HOXA1: variants seen among roughly 807,000 people sequenced by gnomAD.
HOXA1 encodes the protein homeobox A1.
HOXA1 carries 21 observed loss-of-function variants against 28.3 expected under a neutral mutation model. The observed-to-expected ratio is 0.74, with a 90% CI of 0.53 to 1.07. The LOEUF (loss-of-function observed/expected upper bound fraction) is 1.07, where lower values mean the gene tolerates loss of function less well. Ranked by LOEUF, HOXA1 falls within the 50% of genes least tolerant of loss-of-function variation. HOXA1 has a pLI of 0.00. For synonymous variants in HOXA1, 208 were observed against 181.2 expected (o/e 1.15, Z -1.19); for missense variants, 446 against 434.3 (o/e 1.03, Z -0.24).
rs17465309 is a variant in HOXA1, at chr7:27,095,169, A to C, written c.652+92T>G. The C allele has an allele frequency of 3.3e-4, 453 of 1,379,320 alleles. 5 individuals are homozygous for C. The South Asian group carries it at 5.2e-3, about 16-fold the overall frequency. 85.4% of individuals were successfully genotyped at this position (1,379,320 alleles called of 1,614,324 possible). ...CACTAGTCTGATACAAAAGCCTTTT[A>C]AAAAAAAGATCATTATTAATTTCCT... On this transcript the variant is annotated intron_variant, in intron 1 of 1. Coordinates refer to ENST00000643460, the MANE Select transcript of HOXA1 (RefSeq NM_005522.5).
chr7:27,095,997 T>A lies in HOXA1; in HGVS notation c.-85A>T. 1 of 853,134 alleles carries A rather than the reference T, an allele frequency of 1.2e-6. No homozygotes were observed. Among genetic ancestry groups the A allele is most frequent in the Non-Finnish European group, 1.9e-6 (1 of 537,218 alleles). The allele number at this position is 853,134 out of a possible 1,614,324, so 52.8% of individuals were successfully genotyped here. On this transcript the variant is annotated 5_prime_UTR_variant, in exon 1 of 2. Transcript: ENST00000643460. ...CCTCCATGGGGCCGGAGAAGAAAAA[T>A]GATATGAATGTACAGTGCGCAAGAG...
At position 27,095,840 on chromosome 7, in the gene HOXA1, C is replaced by CT. The variant is rs1295214733; in HGVS notation, c.72dup (p.Ala25SerfsTer9). On this transcript the variant is annotated frameshift_variant, in exon 1 of 2. Transcript: ENST00000643460. LOFTEE classifies it high-confidence loss of function. ...CTATGGTCCGAGGGGTAGGCTCGGG[C>CT]TGAGCAGGTCCCCGAGTCGCCACTG... 1.9e-6 allele frequency: 3 copies of CT among 1,613,930 alleles called. No homozygotes were observed. The highest frequency in any genetic ancestry group is 1.7e-6 in the Non-Finnish European group (2 of 1,179,970).
chr7:27,094,769 C>G lies in HOXA1; in HGVS notation c.679G>C (p.Gly227Arg), dbSNP rs370033913. The G allele has an allele frequency of 3.7e-6, 6 of 1,613,876 alleles. No individual in the cohort carries two copies. The African/African-American group carries it at 6.7e-5, about 18-fold the overall frequency. Residue 227 changes from glycine to arginine, a missense_variant, in exon 2 of 2, where the codon GGT becomes CGT. Transcript: ENST00000643460. ...TTGGTGCGCACCGCGTTGGGTTGAC[C>G]CAGGTAGCCGTACTCTCCAACTTTC... ...TGKVGEYGYLGQPNAVRTNFT... is the reference protein window; with the variant it reads ...TGKVGEYGYLRQPNAVRTNFT...
At position 27,094,455 on chromosome 7, in the gene HOXA1, CAG is replaced by C. The variant is rs752028396; in HGVS notation, c.991_992del (p.Leu331AspfsTer85). ...TGGAGCCGCCTCAGTGGGAGGTAGT[CAG>C]AGTGTCTGAGGTAGAAGACCCCGGG... ...PSPGSSTSDT[L>X]TTSH On this transcript the variant is annotated frameshift_variant, in exon 2 of 2. Transcript: ENST00000643460. LOFTEE classifies it high-confidence loss of function. 6.2e-7 allele frequency: 1 copy of C among 1,613,534 alleles called. No individual in the cohort carries two copies. Among genetic ancestry groups the C allele is most frequent in the South Asian group, 1.1e-5 (1 of 91,052 alleles).
In HOXA1 at chr7:27,095,844, G is replaced by A. The variant is rs1783813996; in HGVS notation, c.69C>T (p.Cys23=). ...GGTCCGAGGGGTAGGCTCGGGCTGA[G>A]CAGGTCCCCGAGTCGCCACTGCTAA... ...PILSSGDSGT[C]SARAYPSDHR... The change falls in exon 1 of 2, where the codon TGC becomes TGT. Residue 23 remains cysteine (C), a synonymous_variant. Transcript: ENST00000643460. 1 of 1,613,758 alleles carries A rather than the reference G, an allele frequency of 6.2e-7. No individual in the cohort carries two copies. Among genetic ancestry groups the A allele is most frequent in the South Asian group, 1.1e-5 (1 of 91,094 alleles).
chr7:27,094,361 G>C lies in HOXA1; in HGVS notation c.*79C>G. ...GAAAGAGACTGTAAATGGAAAGAAAGATAAGCTAAGCATGTGCTTTGGGTA... is the reference window on the plus strand; with the variant it reads ...GAAAGAGACTGTAAATGGAAAGAAACATAAGCTAAGCATGTGCTTTGGGTA... On this transcript the variant is annotated 3_prime_UTR_variant, in exon 2 of 2. Transcript: ENST00000643460. The C allele has an allele frequency of 2.1e-6, 2 of 967,050 alleles. No individual in the cohort carries two copies. Among genetic ancestry groups the C allele is most frequent in the Non-Finnish European group, 3.4e-6 (2 of 593,590 alleles). The allele number at this position is 967,050 out of a possible 1,614,324, so 59.9% of individuals were successfully genotyped here. A position where few individuals can be genotyped will look rare whatever the true frequency, so the allele number is the denominator to read the frequency against.
At position 27,095,938 on chromosome 7, in the gene HOXA1, G is replaced by T. The variant is rs764712990; in HGVS notation, c.-26C>A. 6.3e-7 allele frequency: 1 copy of T among 1,584,856 alleles called. No individual in the cohort carries two copies. The highest frequency in any genetic ancestry group is 8.6e-7 in the Non-Finnish European group (1 of 1,162,616). On this transcript the variant is annotated 5_prime_UTR_variant, in exon 1 of 2. The change creates a premature stop within an existing upstream ORF in the 5' untranslated region. Transcript: ENST00000643460. ...CTGTCACTGAGTGACCTGGTCCTGC[G>T]AAGCCCGGCGTGACTGTGCCAACTT...
Position 27,095,512 on chromosome 7 carries a change from T to C in HOXA1, c.401A>G (p.Asn134Ser), listed in dbSNP as rs767893529. 1 of 1,613,458 alleles carries C rather than the reference T, an allele frequency of 6.2e-7. No homozygotes were observed. The highest frequency in any genetic ancestry group is 1.3e-5 in the African/African-American group (1 of 74,698). Reference sequence around the variant, plus strand: ...ATGCTGGACCATGGGAGATGAGAGATTTCCAGAGTAAACAGCGGGAGCGCA... The same window carrying C: ...ATGCTGGACCATGGGAGATGAGAGACTTCCAGAGTAAACAGCGGGAGCGCA... ...PQCAPAVYSG[N>S]LSSPMVQHHH... The change falls in exon 1 of 2, where the codon AAT (asparagine) becomes AGT (serine). Residue 134 changes from asparagine to serine, a missense_variant. By Grantham distance (46) the Asn-to-Ser change is conservative. Transcript: ENST00000643460.
At chr7:27,094,861 A>G in intron 1 of HOXA1, 66 bp from the exon 2 acceptor site, 1 of 1,187,468 alleles carries the variant, frequency 8.4e-7, no homozygotes, top group Non-Finnish European at 1.2e-6. Context: ...GAGATTCCCC[A>G]CACGCTTCAT....
chr7:27,095,701 T>G lies in HOXA1; in HGVS notation c.212A>C (p.His71Pro). 1.3e-6 allele frequency: 2 copies of G among 1,598,906 alleles called. No individual in the cohort carries two copies. Among genetic ancestry groups the G allele is most frequent in the Non-Finnish European group, 1.7e-6 (2 of 1,171,732 alleles). The change falls in exon 1 of 2, where the codon CAC (histidine) becomes CCC (proline). Residue 71 changes from histidine (H) to proline (P), a missense_variant. His to Pro is a moderately conservative substitution (Grantham distance 77). Transcript: ENST00000643460. ...IGSPHHHHHH[H>P]HRHPQPATYQ... is the part of the protein sequence containing the mutation. The stretch of plus-strand genomic sequence containing the variant: ...GGTAGCCGGCTGGGGGTGGCGATGG[T>G]GGTGGTGGTGGTGGTGGTGGGGCGA...
In HOXA1 at chr7:27,093,255, T is replaced by C. The variant is rs1783744531; in HGVS notation, c.*1185A>G. Reference sequence around the variant, plus strand: ...CCCCTCATGAAATGTGCCAACTTCATAGGAATTAACAAATTGTAGCCCAGC... The same window carrying C: ...CCCCTCATGAAATGTGCCAACTTCACAGGAATTAACAAATTGTAGCCCAGC... On this transcript the variant is annotated 3_prime_UTR_variant, in exon 2 of 2. Transcript: ENST00000643460. 1 of 152,652 alleles carries C rather than the reference T, an allele frequency of 6.6e-6. No individual in the cohort carries two copies. The highest frequency in any genetic ancestry group is 2.4e-5 in the African/African-American group (1 of 41,458). 9.5% of individuals were successfully genotyped at this position (152,652 alleles called of 1,614,324 possible). A position where few individuals can be genotyped will look rare whatever the true frequency, so the allele number is the denominator to read the frequency against.
Position 27,095,968 on chromosome 7 carries a change from A to C in HOXA1, c.-56T>G. ...CCGGCGTGACTGTGCCAACTTTCTC[A>C]CTTCCTCCATGGGGCCGGAGAAGAA... On this transcript the variant is annotated 5_prime_UTR_variant, in exon 1 of 2. Transcript: ENST00000643460. 7.2e-6 allele frequency: 9 copies of C among 1,243,820 alleles called. No homozygotes were observed. Among genetic ancestry groups the C allele is most frequent in the African/African-American group, 1.6e-5 (1 of 60,782 alleles). The allele number at this position is 1,243,820 out of a possible 1,614,324, so 77.0% of individuals were successfully genotyped here. A position where few individuals can be genotyped will look rare whatever the true frequency, so the allele number is the denominator to read the frequency against.
Position 27,094,598 on chromosome 7 carries a change from G to C in HOXA1, c.850C>G (p.Gln284Glu), listed in dbSNP as rs1424623278. Residue 284 changes from glutamine (Q) to glutamate (E), a missense_variant, in exon 2 of 2, where the codon CAA becomes GAA. Physicochemically the swap from Gln to Glu is conservative, Grantham distance 29. Transcript: ENST00000643460. Reference protein sequence around the residue: ...KIWFQNRRMKQKKREKEGLLP... With the variant: ...KIWFQNRRMKEKKREKEGLLP... ...AGACCCTCCTTCTCACGTTTCTTTTGCTTCATTCGGCGGTTCTGGAACCAG... is the reference window on the plus strand; with the variant it reads ...AGACCCTCCTTCTCACGTTTCTTTTCCTTCATTCGGCGGTTCTGGAACCAG... The C allele has an allele frequency of 3.7e-6, 6 of 1,614,052 alleles. No individual in the cohort carries two copies. Among genetic ancestry groups the C allele is most frequent in the Non-Finnish European group, 5.1e-6 (6 of 1,180,038 alleles).
Position 27,095,461 on chromosome 7 carries a change from C to A in HOXA1, c.452G>T (p.Gly151Val), listed in dbSNP as rs755282330. Reference protein sequence around the residue: ...QHHHHHQGYAGGAVGSPQYIH... With the variant: ...QHHHHHQGYAVGAVGSPQYIH... Reference sequence around the variant, plus strand: ...GTATTGAGGCGAGCCCACCGCGCCCCCAGCATAACCCTGGTGGTGGTGGTG... The same window carrying A: ...GTATTGAGGCGAGCCCACCGCGCCCACAGCATAACCCTGGTGGTGGTGGTG... Residue 151 changes from glycine to valine, a missense_variant, in exon 1 of 2, where the codon GGG (glycine) becomes GTG (valine). By Grantham distance (109) the Gly-to-Val change is moderately radical. Transcript: ENST00000643460. The A allele has an allele frequency of 1.9e-6, 3 of 1,614,128 alleles. No individual in the cohort carries two copies. In the Admixed American group the frequency reaches 5.0e-5, roughly 27 times the overall value.
Position 27,095,842 on chromosome 7 carries a change from G to C in HOXA1, c.71C>G (p.Ser24Ter). 6.2e-7 allele frequency: 1 copy of C among 1,613,744 alleles called. No individual in the cohort carries two copies. Among genetic ancestry groups the C allele is most frequent in the Non-Finnish European group, 8.5e-7 (1 of 1,179,782 alleles). The change falls in exon 1 of 2, where the codon TCA becomes TGA. Residue 24 changes from serine (S) to a stop codon, truncating the protein, a stop_gained. Coordinates refer to ENST00000643460, the MANE Select transcript of HOXA1 (RefSeq NM_005522.5). LOFTEE classifies it high-confidence loss of function. The stretch of plus-strand genomic sequence containing the variant: ...ATGGTCCGAGGGGTAGGCTCGGGCT[G>C]AGCAGGTCCCCGAGTCGCCACTGCT... ...ILSSGDSGTC[S>*]ARAYPSDHRI...
chr7:27,094,113 G>A lies in HOXA1; in HGVS notation c.*327C>T, dbSNP rs1034642112. ...AAGATGAGAAGATTCCTTCTGGCAT[G>A]TTTCTGTTGGCAAAGGGAACTATTT... On this transcript the variant is annotated 3_prime_UTR_variant, in exon 2 of 2. Transcript: ENST00000643460. The A allele has an allele frequency of 8.9e-6, 3 of 338,668 alleles. No homozygotes were observed. The highest frequency in any genetic ancestry group is 6.3e-5 in the African/African-American group (3 of 47,592). The allele number at this position is 338,668 out of a possible 1,614,324, so 21.0% of individuals were successfully genotyped here. A position where few individuals can be genotyped will look rare whatever the true frequency, so the allele number is the denominator to read the frequency against.
rs752911944 is a variant in HOXA1 at position 27,093,515 on chromosome 7, C to T, written c.*925G>A. On this transcript the variant is annotated 3_prime_UTR_variant, in exon 2 of 2. Coordinates refer to ENST00000643460, the MANE Select transcript of HOXA1 (RefSeq NM_005522.5). ...CATGCAAAAGACTATTCACGAATAA[C>T]ACAAAATATACATTCATTGTGCCAT... 6.6e-6 allele frequency: 1 copy of T among 152,616 alleles called. No individual in the cohort carries two copies. Among genetic ancestry groups the T allele is most frequent in the Non-Finnish European group, 1.5e-5 (1 of 68,034 alleles). 9.5% of individuals were successfully genotyped at this position (152,616 alleles called of 1,614,324 possible).
rs1783817659 is a variant in HOXA1, at chr7:27,095,899, C to G, written c.14G>C (p.Arg5Thr). 3 of 1,613,456 alleles carry G rather than the reference C, an allele frequency of 1.9e-6. No homozygotes were observed. The Admixed American group carries it at 5.0e-5, about 27-fold the overall frequency. MDNARMNSFLEYPIL... is the reference protein window; with the variant it reads MDNATMNSFLEYPIL... ...GGGGTATTCCAGGAAGGAGTTCATT[C>G]TTGCATTGTCCATCTGTCACTGAGT... is the stretch of plus-strand genomic sequence containing the variant. Residue 5 changes from arginine (R) to threonine (T), a missense_variant, in exon 1 of 2, where the codon AGA (arginine) becomes ACA (threonine). By Grantham distance (71) the Arg-to-Thr change is moderately conservative. Transcript: ENST00000643460.
rs1783775614 is a variant in HOXA1, at chr7:27,094,647, C to G, written c.801G>C (p.Gln267His). 6.2e-7 allele frequency: 1 copy of G among 1,614,048 alleles called. No homozygotes were observed. The highest frequency in any genetic ancestry group is 1.3e-5 in the African/African-American group (1 of 74,902). ...ARRVEIAASL[Q>H]LNETQVKIWF... ...AGATCTTCACTTGGGTCTCGTTGAGCTGCAGGGATGCAGCGATCTCCACCC... is the reference window on the plus strand; with the variant it reads ...AGATCTTCACTTGGGTCTCGTTGAGGTGCAGGGATGCAGCGATCTCCACCC... Residue 267 changes from glutamine (Q) to histidine (H), a missense_variant, in exon 2 of 2, where the codon CAG (glutamine) becomes CAC (histidine). Physicochemically the swap from Gln to His is conservative, Grantham distance 24. Transcript: ENST00000643460.
Sources: gnomAD v4.1 joint callset for allele counts on GRCh38, gnomAD v4.1.1 for gene constraint, MANE v1.5 for transcripts, NCBI Gene and HGNC (gene_info 2026-07-23, HGNC 2026-07-21) for gene names.